DLG1: variants seen among roughly 807,000 people sequenced by gnomAD.
The protein encoded by DLG1 is disks large homolog 1.
DLG1 carries 42 observed loss-of-function variants against 123.4 expected under a neutral mutation model. That is an observed-to-expected ratio of 0.34 (90% confidence interval 0.27 to 0.44). The LOEUF is 0.44. DLG1 is among the 20% of genes least tolerant of loss of function. DLG1 has a pLI of 1.00. For missense variants in DLG1, 942 were observed against 1,082.6 expected, an observed-to-expected ratio of 0.87 and a Z score of 1.82; for synonymous variants, 317 against 356.2, an observed-to-expected ratio of 0.89 and a Z score of 1.24.
chr3:197,065,569 G>T, intron 21 of DLG1, 121 bp from the exon 22 acceptor site: 1 of 1,041,898 alleles, frequency 9.6e-7, no homozygotes, highest in Non-Finnish European at 1.4e-6. Context: ...ATCTGAGAAA[G>T]GACAATAATA....
chr3:197,189,433 G>A (rs1718002777), intron 5 of DLG1, among the ~76,000 whole-genome samples: 1 of 152,154 alleles, frequency 6.6e-6, no homozygotes, highest in Non-Finnish European at 1.5e-5. Flanking sequence ...ATTAAAGTGT[G>A]ATTTAGAAAC....
intron 4 of DLG1, among the ~76,000 whole-genome samples, chr3:197,261,926 T>C (rs941271107): frequency 1.3e-5 from 2 of 152,216 alleles, no homozygotes; most frequent in Non-Finnish European, 2.9e-5. Flanking sequence ...GTTAGGTCAA[T>C]AGTGGCAATA....
chr3:197,212,809 C>T (rs941869454), intron 4 of DLG1, among the ~76,000 whole-genome samples: 10 of 152,036 alleles, frequency 6.6e-5, no homozygotes, highest in Admixed American at 4.6e-4. Flanking sequence ...GAATTCAACC[C>T]AAAACACTTA....
At chr3:197,212,092 G>T (rs1293011815) in intron 4 of DLG1, among the ~76,000 whole-genome samples, 1 of 146,408 alleles carries the variant, frequency 6.8e-6, no homozygotes, top group Non-Finnish European at 1.5e-5. Context: ...ACTTGAGGGT[G>T]GAGAGTGGGA....
chr3:197,114,988 A>G (rs62977762), intron 13 of DLG1, among the ~76,000 whole-genome samples: 10 of 11,986 alleles, frequency 8.3e-4, no homozygotes, highest in African/African-American at 1.2e-3. Flanking sequence ...CATCTCAAGG[A>G]AAAAAAAAAA....
chr3:197,203,990 G>A (rs1727222049), intron 4 of DLG1, among the ~76,000 whole-genome samples: 1 of 152,178 alleles, frequency 6.6e-6, no homozygotes, highest in African/African-American at 2.4e-5. Context: ...GTGGCAGAAG[G>A]CCCCGGTGTA....
At chr3:197,133,018 T>C (rs1783441455) in intron 10 of DLG1, among the ~76,000 whole-genome samples, 1 of 151,364 alleles carries the variant, frequency 6.6e-6, no homozygotes, top group African/African-American at 2.4e-5. Flanking sequence ...TAAATAGCTG[T>C]GGTATACTGC....
At chr3:197,075,415 A>T (rs1335960555) in intron 18 of DLG1, among the ~76,000 whole-genome samples, 2 of 151,546 alleles carry the variant, frequency 1.3e-5, no homozygotes, top group African/African-American at 4.8e-5. Context: ...TTTTATAGTA[A>T]TGCTTTTCTA....
intron 23 of DLG1, 33 bp downstream of exon 23, chr3:197,059,856 C>T (rs766290379): frequency 3.1e-5 from 45 of 1,435,524 alleles, no homozygotes; most frequent in Non-Finnish European, 4.3e-5. Flanking sequence ...TGAATTTGTA[C>T]ACAGAGGCTA....
At chr3:197,135,322 A>G (rs1454508043) in intron 10 of DLG1, among the ~76,000 whole-genome samples, 2 of 152,212 alleles carry the variant, frequency 1.3e-5, no homozygotes, top group African/African-American at 4.8e-5. Flanking sequence ...GGAGGTGATT[A>G]GATCACGGAG....
At position 197,080,267 on chromosome 3, in the gene DLG1, C is replaced by CTTTT. The variant is rs767056279; in HGVS notation, c.1905+780_1905+783dup. 6.7e-4 allele frequency among the ~76,000 whole-genome samples: 35 copies of CTTTT among 51,904 alleles called. 4 individuals are homozygous for CTTTT. The highest frequency in any genetic ancestry group is 2.8e-3 in the African/African-American group (33 of 11,984). 34.1% of individuals were successfully genotyped at this position (51,904 alleles called of 152,430 possible). On this transcript the variant is annotated intron_variant, in intron 17 of 24. Transcript: ENST00000667157. ...TATGATGAAAGAATTGATATATTTC[C>CTTTT]TTTTTTTTTTTTTTTTTTTTTTTTT... is the stretch of plus-strand genomic sequence containing the variant.
At chr3:197,135,046 C>T (rs1035988037) in intron 10 of DLG1, among the ~76,000 whole-genome samples, 7 of 152,196 alleles carry the variant, frequency 4.6e-5, no homozygotes, top group African/African-American at 1.7e-4. Flanking sequence ...CAACAAGCTA[C>T]CTTATAAAAT....
At chr3:197,279,306 C>T (rs1768036374) in intron 4 of DLG1, among the ~76,000 whole-genome samples, 1 of 152,178 alleles carries the variant, frequency 6.6e-6, no homozygotes, top group Non-Finnish European at 1.5e-5. Context: ...AAACTATTTA[C>T]ATTTTCAGAC....
chr3:197,234,710 TTATA>T (rs1285902570), intron 4 of DLG1, among the ~76,000 whole-genome samples: 1 of 151,754 alleles, frequency 6.6e-6, no homozygotes, highest in East Asian at 1.9e-4. Flanking sequence ...ATAAAAGGGG[TTATA>T]TATATAATCA....
chr3:197,186,545 C>T (rs943279716), intron 5 of DLG1, among the ~76,000 whole-genome samples: 3 of 151,866 alleles, frequency 2.0e-5, no homozygotes, highest in East Asian at 1.9e-4. Context: ...AAACTAAATA[C>T]GATTAGTTCA....
At chr3:197,053,834 T>A (rs1007754712) in intron 23 of DLG1, among the ~76,000 whole-genome samples, 8 of 149,376 alleles carry the variant, frequency 5.4e-5, no homozygotes, top group Non-Finnish European at 1.2e-4. Context: ...TATTTACACC[T>A]GGAATCCCAG....
intron 23 of DLG1, among the ~76,000 whole-genome samples, chr3:197,052,006 A>G (rs1488132592): frequency 6.6e-6 from 1 of 151,762 alleles, no homozygotes; most frequent in African/African-American, 2.4e-5. Flanking sequence ...ACGCCTGGCT[A>G]ATTTTTATAT....
chr3:197,137,015 G>T (rs145799231), intron 9 of DLG1, among the ~76,000 whole-genome samples: 190 of 152,228 alleles, frequency 1.2e-3, no homozygotes, highest in African/African-American at 4.4e-3. Flanking sequence ...ATTTTCACAA[G>T]AACAAAATTA....
At chr3:197,173,512 T>C (rs1287173522) in intron 5 of DLG1, among the ~76,000 whole-genome samples, 1 of 152,224 alleles carries the variant, frequency 6.6e-6, no homozygotes, top group Non-Finnish European at 1.5e-5. Context: ...CATCATCCTC[T>C]AAAGATGGTA....
Sources: gnomAD v4.1 joint callset for allele counts (sites outside exome capture counted in the v4.1 genomes callset) on GRCh38, gnomAD v4.1.1 for gene constraint, MANE v1.5 for transcripts, NCBI Gene and HGNC (gene_info 2026-07-23, HGNC 2026-07-21) for gene names.